Variants in LRP1B observed in about 807,000 individuals in gnomAD.
LRP1B encodes low-density lipoprotein receptor-related protein 1B.
Under a neutral mutation model 556.6 loss-of-function variants are expected in LRP1B, and 217 were observed. The ratio of observed to expected loss-of-function variants is 0.39; its 90% CI spans 0.35 to 0.44. The LOEUF (loss-of-function observed/expected upper bound fraction) is 0.44. Ranked by LOEUF, LRP1B falls within the 20% of genes least tolerant of loss-of-function variation. The pLI is 1.00. For missense variants in LRP1B, 5,053 were observed against 5,620.8 expected (o/e 0.90, Z 3.23); for synonymous variants, 2,047 against 1,865.8 (o/e 1.10, Z -2.50).
chr2:140,743,535 A>G (rs1289320945), intron 35 of LRP1B, among the ~76,000 whole-genome samples: 1 of 152,214 alleles, frequency 6.6e-6, no homozygotes, highest in East Asian at 1.9e-4. Context: ...TCTGTAAAAC[A>G]GGAATAATAA....
intron 1 of LRP1B, among the ~76,000 whole-genome samples, chr2:142,102,905 G>A (rs1706618619): frequency 1.3e-5 from 2 of 151,782 alleles, no homozygotes; most frequent in South Asian, 2.1e-4. Context: ...TTGGTGGTTG[G>A]TTAAGCACTA....
At chr2:140,426,203 T>C (rs1044034209) in intron 66 of LRP1B, among the ~76,000 whole-genome samples, 1 of 152,192 alleles carries the variant, frequency 6.6e-6, no homozygotes, top group African/African-American at 2.4e-5. Context: ...ATTTCTCATT[T>C]GTAATACCTG....
At chr2:141,929,222 C>T (rs1700419344) in intron 1 of LRP1B, among the ~76,000 whole-genome samples, 1 of 152,038 alleles carries the variant, frequency 6.6e-6, no homozygotes, top group Non-Finnish European at 1.5e-5. Flanking sequence ...AGACCACTTC[C>T]AATGCCAAAA....
intron 3 of LRP1B, among the ~76,000 whole-genome samples, chr2:141,350,932 G>A (rs530959642): frequency 2.1e-4 from 32 of 152,124 alleles, no homozygotes; most frequent in Admixed American, 2.1e-3. Flanking sequence ...TTGATTCATT[G>A]TGCACTATTA....
Position 140,371,280 on chromosome 2 carries a change from G to T in LRP1B, c.10774C>A (p.Pro3592Thr). ...ATATATTCACGTGATGAGCAAGTAG[G>T]AGAAGCTGAATACAATTATAAATTT... ...EDEKSCEPASPTCSSREYICA... is the reference protein window; with the variant it reads ...EDEKSCEPASTTCSSREYICA... Residue 3592 changes from proline to threonine, a missense_variant, in exon 70 of 91, where the codon CCT becomes ACT. Physicochemically the swap from Pro to Thr is conservative, Grantham distance 38. Transcript: ENST00000389484. 6.5e-7 allele frequency: 1 copy of T among 1,549,698 alleles called. No homozygotes were observed. The highest frequency in any genetic ancestry group is 8.7e-7 in the Non-Finnish European group (1 of 1,144,068).
intron 2 of LRP1B, among the ~76,000 whole-genome samples, chr2:141,785,714 GT>G (rs1695410494): frequency 6.6e-6 from 1 of 150,720 alleles, no homozygotes; most frequent in Non-Finnish European, 1.5e-5. Flanking sequence ...GGCCTTCTCC[GT>G]ATATAGTTCT....
intron 3 of LRP1B, among the ~76,000 whole-genome samples, chr2:141,346,364 G>A (rs773434267): frequency 1.3e-5 from 2 of 152,108 alleles, no homozygotes; most frequent in Non-Finnish European, 2.9e-5. Context: ...TGATCTGACT[G>A]AACACTTCAC....
intron 84 of LRP1B, among the ~76,000 whole-genome samples, chr2:140,297,578 A>C (rs1683660265): frequency 6.6e-6 from 1 of 152,174 alleles, no homozygotes; most frequent in Non-Finnish European, 1.5e-5. Flanking sequence ...GGGTGTACAC[A>C]GGGAATGGTT....
rs530460018 is a variant in LRP1B, at chr2:140,740,005, C to CA, written c.5759-23190dup. On this transcript the variant is annotated intron_variant, in intron 35 of 90. Transcript: ENST00000389484. Reference sequence around the variant, plus strand: ...TTTCTCCTTCAGGAGTAGTCATATACAAAAAATCAAAAAACAGTAGTTGTT... The same window carrying CA: ...TTTCTCCTTCAGGAGTAGTCATATACAAAAAAATCAAAAAACAGTAGTTGTT... Among the ~76,000 whole-genome samples, 84 of 152,098 alleles carry CA rather than the reference C, an allele frequency of 5.5e-4. No homozygotes were observed. The South Asian group carries it at 0.017, about 30-fold the overall frequency.
intron 1 of LRP1B, among the ~76,000 whole-genome samples, chr2:141,928,281 A>G (rs1292711407): frequency 6.6e-6 from 1 of 152,206 alleles, no homozygotes; most frequent in Admixed American, 6.6e-5. Flanking sequence ...CTCAGAAATT[A>G]CATTTTAATA....
chr2:141,454,122 GC>G (rs1323248355), intron 3 of LRP1B, among the ~76,000 whole-genome samples: 5 of 151,964 alleles, frequency 3.3e-5, no homozygotes. Flanking sequence ...TGAAAATTTG[GC>G]ATTTAATTTT....
At chr2:140,389,654 T>C (rs1313319881) in intron 66 of LRP1B, among the ~76,000 whole-genome samples, 1 of 148,004 alleles carries the variant, frequency 6.8e-6, no homozygotes, top group Non-Finnish European at 1.5e-5. Flanking sequence ...ACATATCATG[T>C]TTATGGATTA....
At chr2:141,596,576 C>T (rs1041764458) in intron 2 of LRP1B, among the ~76,000 whole-genome samples, 16 of 152,054 alleles carry the variant, frequency 1.1e-4, no homozygotes, top group Non-Finnish European at 2.2e-4. Context: ...ACCACAAATG[C>T]ACTCACTATT....
intron 41 of LRP1B, among the ~76,000 whole-genome samples, chr2:140,660,303 CCAGT>C (rs1685045727): frequency 6.6e-6 from 1 of 151,626 alleles, no homozygotes; most frequent in African/African-American, 2.4e-5. Flanking sequence ...TTGCATACTT[CCAGT>C]ATTTTTATAT....
At chr2:140,443,597 T>C (rs1422374444) in intron 65 of LRP1B, among the ~76,000 whole-genome samples, 2 of 152,218 alleles carry the variant, frequency 1.3e-5, no homozygotes, top group Non-Finnish European at 2.9e-5. Flanking sequence ...AGCGGTTCTG[T>C]TGAAACCCTG....
intron 33 of LRP1B, among the ~76,000 whole-genome samples, chr2:140,773,981 A>C (rs1689405875): frequency 6.6e-6 from 1 of 152,104 alleles, no homozygotes; most frequent in African/African-American, 2.4e-5. Context: ...CCAAATCTCT[A>C]GTGGAGCTAG....
At chr2:140,755,563 G>T (rs1047646006) in intron 35 of LRP1B, among the ~76,000 whole-genome samples, 1 of 151,384 alleles carries the variant, frequency 6.6e-6, no homozygotes, top group South Asian at 2.1e-4. Context: ...CAGAATAAGT[G>T]ACAAAAGGTA....
chr2:141,816,491 C>A (rs1170572799), intron 1 of LRP1B, among the ~76,000 whole-genome samples: 1 of 152,108 alleles, frequency 6.6e-6, no homozygotes, highest in Non-Finnish European at 1.5e-5. Flanking sequence ...GGACTTACAC[C>A]AGTGATTTGC....
At chr2:141,837,642 G>T (rs1162664890) in intron 1 of LRP1B, among the ~76,000 whole-genome samples, 1 of 151,978 alleles carries the variant, frequency 6.6e-6, no homozygotes, top group Admixed American at 6.6e-5. Flanking sequence ...TGGAGAAACT[G>T]GATTTACCTG....
Sources: gnomAD v4.1 joint callset for allele counts (sites outside exome capture counted in the v4.1 genomes callset) on GRCh38, gnomAD v4.1.1 for gene constraint, MANE v1.5 for transcripts, NCBI Gene and HGNC (gene_info 2026-07-23, HGNC 2026-07-21) for gene names.